Variants in LYPLAL1 observed in about 807,000 individuals in gnomAD.
LYPLAL1 encodes the protein lysophospholipase-like protein 1.
LYPLAL1 carries 23 observed loss-of-function variants against 19.7 expected under a neutral mutation model. That is an observed-to-expected ratio of 1.17 (90% CI 0.84 to 1.65). LYPLAL1 has a LOEUF of 1.65. Ranked by LOEUF, LYPLAL1 falls within the 40% of genes most tolerant of loss-of-function variation. LYPLAL1 has a pLI of 0.00. For missense variants in LYPLAL1, 355 were observed against 279.4 expected, an observed-to-expected ratio of 1.27 and a Z score of -1.93; for synonymous variants, 119 against 96.3, an observed-to-expected ratio of 1.24 and a Z score of -1.38.
the LYPLAL1 span, among the ~76,000 whole-genome samples, chr1:219,326,808 T>C: frequency 6.6e-6 from 1 of 152,118 alleles, no homozygotes; most frequent in Non-Finnish European, 1.5e-5. Context: ...CCAAACAGGT[T>C]GCGGCATGGG....
chr1:219,203,267 G>A (rs996118128), intron 3 of LYPLAL1, among the ~76,000 whole-genome samples: 1 of 148,910 alleles, frequency 6.7e-6, no homozygotes, highest in African/African-American at 2.5e-5. Flanking sequence ...GTGGTACTTT[G>A]TTATGTTGAA....
the LYPLAL1 span, among the ~76,000 whole-genome samples, chr1:219,353,188 C>T: frequency 8.5e-5 from 13 of 152,286 alleles, 1 homozygote; most frequent in African/African-American, 2.9e-4. Flanking sequence ...AAGGAGCAAT[C>T]AAAGCAGATC....
chr1:219,179,171 T>G lies in LYPLAL1; in HGVS notation c.116T>G (p.Met39Arg). 2 of 1,611,988 alleles carry G rather than the reference T, an allele frequency of 1.2e-6. No homozygotes were observed. The highest frequency in any genetic ancestry group is 1.7e-6 in the Non-Finnish European group (2 of 1,179,162). ...GGTGATTCTGGACAAGGATTAAGAA[T>G]GTGGATCAAGCAGGTTTTAAATCAA... ...GSGDSGQGLRMWIKQVLNQDL... is the reference protein window; with the variant it reads ...GSGDSGQGLRRWIKQVLNQDL... The change falls in exon 2 of 5, where the codon ATG (methionine) becomes AGG (arginine). Residue 39 changes from methionine to arginine, a missense_variant. Coordinates refer to ENST00000366928, the MANE Select transcript of LYPLAL1 (RefSeq NM_138794.5).
intron 3 of LYPLAL1, among the ~76,000 whole-genome samples, chr1:219,198,286 A>C (rs1469602864): frequency 1.3e-5 from 2 of 152,082 alleles, no homozygotes; most frequent in African/African-American, 4.8e-5. Context: ...GCACCAAAAA[A>C]GAAAAAAAAC....
the LYPLAL1 span, among the ~76,000 whole-genome samples, chr1:219,251,589 A>C: frequency 9.2e-5 from 14 of 151,812 alleles, no homozygotes; most frequent in Non-Finnish European, 1.9e-4. Context: ...GATGGTTGTA[A>C]ATGTGCAGCC....
chr1:219,317,674 GAA>G, the LYPLAL1 span, among the ~76,000 whole-genome samples: 1 of 152,150 alleles, frequency 6.6e-6, no homozygotes, highest in Non-Finnish European at 1.5e-5. Flanking sequence ...TTAGTGGTAT[GAA>G]TTCTTAGAAA....
the LYPLAL1 span, among the ~76,000 whole-genome samples, chr1:219,288,577 A>T: frequency 6.6e-6 from 1 of 152,210 alleles, no homozygotes; most frequent in Non-Finnish European, 1.5e-5. Flanking sequence ...ATATTGATGA[A>T]TACATATTAT....
At chr1:219,329,155 T>G in the LYPLAL1 span, among the ~76,000 whole-genome samples, 1 of 152,106 alleles carries the variant, frequency 6.6e-6, no homozygotes, top group Non-Finnish European at 1.5e-5. Context: ...AACCTGTAAT[T>G]GGATAAAAAT....
chr1:219,261,962 C>A, the LYPLAL1 span, among the ~76,000 whole-genome samples: 1 of 152,170 alleles, frequency 6.6e-6, no homozygotes, highest in East Asian at 1.9e-4. Context: ...TTAGATTTCT[C>A]TTCTTTCTCA....
At chr1:219,398,477 T>A in the LYPLAL1 span, among the ~76,000 whole-genome samples, 187 of 152,326 alleles carry the variant, frequency 1.2e-3, no homozygotes, top group African/African-American at 4.2e-3. Flanking sequence ...ATTTTTAGCT[T>A]CCTTGGGTTG....
the LYPLAL1 span, among the ~76,000 whole-genome samples, chr1:219,341,323 AGTTCTAGAATACATGTACTT>A: frequency 3.3e-5 from 5 of 152,134 alleles, no homozygotes; most frequent in African/African-American, 1.2e-4. Flanking sequence ...ATATTATGCT[AGTTCTAGAATACATGTACTT>A]GCAGTATACC....
At chr1:219,361,061 C>T in the LYPLAL1 span, among the ~76,000 whole-genome samples, 1 of 152,176 alleles carries the variant, frequency 6.6e-6, no homozygotes, top group Non-Finnish European at 1.5e-5. Flanking sequence ...ATGTTTCTCT[C>T]ATAACAGCTT....
intron 2 of LYPLAL1, among the ~76,000 whole-genome samples, chr1:219,184,682 C>G (rs1339039202): frequency 6.6e-6 from 1 of 151,812 alleles, no homozygotes; most frequent in Non-Finnish European, 1.5e-5. Context: ...TTTTCTGTGT[C>G]CTTTGAAATA....
At chr1:219,221,292 TG>T in the LYPLAL1 span, among the ~76,000 whole-genome samples, 10 of 152,302 alleles carry the variant, frequency 6.6e-5, no homozygotes, top group African/African-American at 2.4e-4. Flanking sequence ...CAAGTGATTA[TG>T]GGGAACCTCT....
At chr1:219,356,971 G>A in the LYPLAL1 span, among the ~76,000 whole-genome samples, 17 of 152,112 alleles carry the variant, frequency 1.1e-4, no homozygotes, top group African/African-American at 2.2e-4. Context: ...TAATATCACC[G>A]TCAATGTCAT....
the LYPLAL1 span, among the ~76,000 whole-genome samples, chr1:219,218,145 G>A: frequency 2.0e-5 from 3 of 151,922 alleles, no homozygotes; most frequent in Non-Finnish European, 4.4e-5. Context: ...ATTGTTTATA[G>A]GAAATTGGAT....
chr1:219,272,892 A>G, the LYPLAL1 span: 3 of 152,184 alleles, frequency 2.0e-5, no homozygotes, highest in African/African-American at 7.2e-5. Flanking sequence ...CCAGTTTTCC[A>G]TAAAAAATTA....
At chr1:219,192,779 A>G (rs1657285752) in intron 2 of LYPLAL1, among the ~76,000 whole-genome samples, 1 of 151,610 alleles carries the variant, frequency 6.6e-6, no homozygotes, top group South Asian at 2.1e-4. Flanking sequence ...AGTATCCCAG[A>G]GCATGAATAT....
At chr1:219,400,650 A>G in the LYPLAL1 span, among the ~76,000 whole-genome samples, 1 of 152,108 alleles carries the variant, frequency 6.6e-6, no homozygotes, top group Admixed American at 6.5e-5. Context: ...GGTCACCACC[A>G]CACCCAGCTA....
Sources: gnomAD v4.1 joint callset for allele counts (sites outside exome capture counted in the v4.1 genomes callset) on GRCh38, gnomAD v4.1.1 for gene constraint, MANE v1.5 for transcripts, NCBI Gene and HGNC (gene_info 2026-07-23, HGNC 2026-07-21) for gene names.